LRRC37A2: variants seen among roughly 807,000 people sequenced by gnomAD.
LRRC37A2 encodes the protein leucine-rich repeat-containing protein 37A2.
LRRC37A2 carries 9 observed loss-of-function variants against 68.8 expected under a neutral mutation model. The observed-to-expected ratio is 0.13, with a 90% CI of 0.08 to 0.23. LRRC37A2 has a LOEUF of 0.23. Ranked by LOEUF, LRRC37A2 falls within the 10% of genes least tolerant of loss-of-function variation. The pLI is 1.00. For synonymous variants in LRRC37A2, 63 were observed against 367.6 expected (o/e 0.17, Z 9.48); for missense variants, 168 against 950.4 (o/e 0.18, Z 10.82).
chr17:46,937,658 T>C, the LRRC37A2 span: 33 of 152,344 alleles, frequency 2.2e-4, no homozygotes, highest in African/African-American at 7.7e-4. Flanking sequence ...TTTCTTGTTA[T>C]TGAACTTCAT....
the LRRC37A2 span, chr17:46,923,056 T>C: frequency 1.4e-6 from 1 of 700,594 alleles, no homozygotes; most frequent in Admixed American, 2.1e-5. Flanking sequence ...CCACTGCTAG[T>C]AAGGCGCGCG....
At chr17:46,987,976 A>G in the LRRC37A2 span, among the ~76,000 whole-genome samples, 7 of 152,182 alleles carry the variant, frequency 4.6e-5, no homozygotes, top group Non-Finnish European at 1.0e-4. Context: ...GTTTGGGACC[A>G]GCCTGGCCAA....
chr17:46,797,316 T>A, the LRRC37A2 span, among the ~76,000 whole-genome samples: 1 of 151,368 alleles, frequency 6.6e-6, no homozygotes, highest in African/African-American at 2.4e-5. Context: ...TGGGAGAGAG[T>A]GGAAGTGAGG....
chr17:46,938,974 AG>A, the LRRC37A2 span: 4 of 1,423,356 alleles, frequency 2.8e-6, no homozygotes, highest in African/African-American at 5.7e-5. Context: ...CGCGGTGCTT[AG>A]GAAATGAAAG....
the LRRC37A2 span, among the ~76,000 whole-genome samples, chr17:46,803,709 C>A: frequency 6.6e-6 from 1 of 152,210 alleles, no homozygotes; most frequent in Non-Finnish European, 1.5e-5. Context: ...GAGGCCCCAG[C>A]CACACCCTCA....
At chr17:46,819,982 G>A in the LRRC37A2 span, among the ~76,000 whole-genome samples, 18 of 152,228 alleles carry the variant, frequency 1.2e-4, no homozygotes, top group African/African-American at 4.3e-4. This position sits in a 1 kb window ranked among gnomAD's most constrained non-coding sequence, Gnocchi z 5.3. Flanking sequence ...CCGGTGGGGA[G>A]CAGGGACCGC....
the LRRC37A2 span, among the ~76,000 whole-genome samples, chr17:46,804,774 A>G: frequency 1.3e-5 from 2 of 152,196 alleles, no homozygotes; most frequent in Admixed American, 6.5e-5. Context: ...AAATGCACCA[A>G]TCAGTGCTCT....
At chr17:47,028,487 T>C in the LRRC37A2 span, 1 of 711,288 alleles carries the variant, frequency 1.4e-6, no homozygotes, top group Admixed American at 2.3e-5. Flanking sequence ...CCATTCATTT[T>C]TCTCAAATGG....
the LRRC37A2 span, among the ~76,000 whole-genome samples, chr17:46,823,077 T>TA: frequency 7.4e-6 from 1 of 134,694 alleles, no homozygotes; most frequent in Non-Finnish European, 1.6e-5. Flanking sequence ...TAAATATGTA[T>TA]TTATAATAAA....
At chr17:46,553,994 A>G (rs2057097879) in intron 12 of LRRC37A2, 1 of 1,001,622 alleles carries the variant, frequency 1.0e-6, no homozygotes, top group Admixed American at 5.5e-5. Flanking sequence ...GGAAGGTAGG[A>G]TATGTGAGTC....
At chr17:46,911,676 G>T in the LRRC37A2 span, among the ~76,000 whole-genome samples, 151 of 152,152 alleles carry the variant, frequency 9.9e-4, 1 homozygote, top group Admixed American at 1.6e-3. Context: ...TGAGGTCAGG[G>T]GTTCAAGACC....
At chr17:46,989,424 T>G in the LRRC37A2 span, among the ~76,000 whole-genome samples, 6 of 152,228 alleles carry the variant, frequency 3.9e-5, no homozygotes, top group African/African-American at 1.4e-4. Flanking sequence ...GAATCGCTCT[T>G]CCCCATCCCA....
chr17:46,386,075 A>G, the LRRC37A2 span, among the ~76,000 whole-genome samples: 1 of 124,698 alleles, frequency 8.0e-6, no homozygotes, highest in Admixed American at 8.0e-5. Context: ...TGACCTTCCC[A>G]GATAAACAAT....
At chr17:46,902,462 G>A in the LRRC37A2 span, among the ~76,000 whole-genome samples, 5 of 14,222 alleles carry the variant, frequency 3.5e-4, no homozygotes, top group African/African-American at 3.2e-3. Flanking sequence ...GGAACAGTGC[G>A]TGTGTGTGTG....
the LRRC37A2 span, among the ~76,000 whole-genome samples, chr17:46,919,737 G>A: frequency 1.5e-3 from 229 of 152,136 alleles, 1 homozygote; most frequent in Middle Eastern, 6.8e-3. Context: ...ATCTGAGGTC[G>A]GGAGTTCGAG....
At chr17:46,983,976 C>G in the LRRC37A2 span, 1 of 152,360 alleles carries the variant, frequency 6.6e-6, no homozygotes, top group Non-Finnish European at 1.5e-5. Context: ...CGCCATCGGA[C>G]CTCTCCATGG....
the LRRC37A2 span, among the ~76,000 whole-genome samples, chr17:46,811,139 A>T: frequency 9.9e-6 from 1 of 100,908 alleles, no homozygotes; most frequent in East Asian, 1.9e-4. Flanking sequence ...AATCGACACT[A>T]CTGGCTTCAG....
chr17:46,776,906 C>A, the LRRC37A2 span, among the ~76,000 whole-genome samples: 1 of 152,128 alleles, frequency 6.6e-6, no homozygotes, highest in Non-Finnish European at 1.5e-5. Context: ...TTCCTGCCTC[C>A]TCCTTCCTCC....
At chr17:46,751,051 G>A in the LRRC37A2 span, among the ~76,000 whole-genome samples, 160 of 152,208 alleles carry the variant, frequency 1.1e-3, no homozygotes, top group African/African-American at 3.7e-3. Context: ...AGTCAGTAAA[G>A]CTTCTTAAAG....
Sources: gnomAD v4.1 joint callset for allele counts (sites outside exome capture counted in the v4.1 genomes callset) on GRCh38, gnomAD v4.1.1 for gene constraint, Gnocchi (gnomAD v3.1) non-coding constraint, MANE v1.5 for transcripts, NCBI Gene and HGNC (gene_info 2026-07-23, HGNC 2026-07-21) for gene names.